SLC25A39: variants seen among roughly 807,000 people sequenced by gnomAD.
The protein encoded by SLC25A39 is mitochondrial glutathione transporter SLC25A39.
A neutral mutation model predicts 46.6 loss-of-function variants in SLC25A39; 44 were observed. The ratio of observed to expected loss-of-function variants is 0.94; its 90% CI spans 0.74 to 1.21. The LOEUF is 1.21. SLC25A39 is among the 50% of genes most tolerant of loss of function. The probability of loss-of-function intolerance (pLI) is 0.00; values close to 1 mark genes in which losing one functional copy is unlikely to be tolerated. For synonymous variants in SLC25A39, 218 were observed against 190.6 expected (o/e 1.14, Z -1.19); for missense variants, 487 against 473.0 (o/e 1.03, Z -0.28).
At position 44,319,632 on chromosome 17, in the gene SLC25A39, T is replaced by G; in HGVS notation, c.*369A>C. 4.3e-6 allele frequency: 1 copy of G among 235,034 alleles called. No individual in the cohort carries two copies. The highest frequency in any genetic ancestry group is 8.5e-6 in the Non-Finnish European group (1 of 116,964). The allele number at this position is 235,034 out of a possible 1,614,324, so 14.6% of individuals were successfully genotyped here. A position where few individuals can be genotyped will look rare whatever the true frequency, so the allele number is the denominator to read the frequency against. ...CAGAGGGACAGGCACCAGGCAGAAG[T>G]TCATCATCTTTAGACTTAAGGAATT... On this transcript the variant is annotated 3_prime_UTR_variant, in exon 12 of 12. Coordinates refer to ENST00000377095, the MANE Select transcript of SLC25A39 (RefSeq NM_001143780.3).
Position 44,320,224 on chromosome 17 carries a change from G to A in SLC25A39, c.936C>T (p.Ala312=), listed in dbSNP as rs146744993. 36 of 1,613,806 alleles carry A rather than the reference G, an allele frequency of 2.2e-5. No homozygotes were observed. The highest frequency in any genetic ancestry group is 5.3e-5 in the African/African-American group (4 of 75,008). ...STWLLLRRIR[A]ESGTKGLFAG... ...CAAAGAGTCCCTTGGTGCCCGACTCGGCCCGGATCCTCCGCAGCAGCAGCC... is the reference window on the plus strand; with the variant it reads ...CAAAGAGTCCCTTGGTGCCCGACTCAGCCCGGATCCTCCGCAGCAGCAGCC... The change falls in exon 11 of 12, where the codon GCC becomes GCT. Residue 312 remains alanine (A), a synonymous_variant. Transcript: ENST00000377095.
Position 44,320,217 on chromosome 17 carries a change from C to A in SLC25A39, c.943G>T (p.Gly315Cys). ...TGACCTGCAAAGAGTCCCTTGGTGCCCGACTCGGCCCGGATCCTCCGCAGC... is the reference window on the plus strand; with the variant it reads ...TGACCTGCAAAGAGTCCCTTGGTGCACGACTCGGCCCGGATCCTCCGCAGC... ...LLLRRIRAESGTKGLFAGFLP... is the reference protein window; with the variant it reads ...LLLRRIRAESCTKGLFAGFLP... The change falls in exon 11 of 12, where the codon GGC (glycine) becomes TGC (cysteine). Residue 315 changes from glycine to cysteine, a missense_variant. Gly to Cys is a radical substitution (Grantham distance 159, BLOSUM62 -3). Transcript: ENST00000377095. The A allele has an allele frequency of 6.2e-7, 1 of 1,613,966 alleles. No individual in the cohort carries two copies. The highest frequency in any genetic ancestry group is 2.2e-5 in the East Asian group (1 of 44,890).
In SLC25A39 at chr17:44,320,287, G is replaced by T; in HGVS notation, c.884-11C>A. The T allele has an allele frequency of 2.5e-6, 4 of 1,613,580 alleles. No individual in the cohort carries two copies. The highest frequency in any genetic ancestry group is 1.3e-5 in the African/African-American group (1 of 75,032). ...CATGCAGGGGGTTCACTGCAAACGC[G>T]AGGCCGGCTCAGTGAGACCCCATTC... is the stretch of plus-strand genomic sequence containing the variant. On this transcript the variant is annotated splice_polypyrimidine_tract_variant and intron_variant, in intron 10 of 11. Coordinates refer to ENST00000377095, the MANE Select transcript of SLC25A39 (RefSeq NM_001143780.3).
At chr17:44,323,010 C>G (rs1231064326) in intron 3 of SLC25A39, among the ~76,000 whole-genome samples, 158 bp from the exon 4 acceptor site, 2 of 152,190 alleles carry the variant, frequency 1.3e-5, no homozygotes, top group South Asian at 4.1e-4. Flanking sequence ...GCAACCTCCA[C>G]CTTCCCGGTT....
chr17:44,321,521 C>G lies in SLC25A39; in HGVS notation c.430G>C (p.Ala144Pro). Residue 144 changes from alanine (A) to proline (P), a missense_variant, in exon 7 of 12, where the codon GCC (alanine) becomes CCC (proline). Ala to Pro is a conservative substitution (Grantham distance 27). Transcript: ENST00000377095. The part of the protein sequence containing the change: ...TVPATAIYFT[A>P]YDQLKAFLCG... ...AGGAAGGCCTTCAGTTGGTCATAGGCAGTGAAGTAGATGGCGGTAGCTGGC... is the reference window on the plus strand; with the variant it reads ...AGGAAGGCCTTCAGTTGGTCATAGGGAGTGAAGTAGATGGCGGTAGCTGGC... The G allele has an allele frequency of 6.2e-7, 1 of 1,614,074 alleles. No individual in the cohort carries two copies. The highest frequency in any genetic ancestry group is 8.5e-7 in the Non-Finnish European group (1 of 1,179,988).
intron 2 of SLC25A39, 44 bp downstream of exon 2, chr17:44,323,434 G>GGGC: frequency 5.1e-6 from 7 of 1,367,774 alleles, no homozygotes; most frequent in East Asian, 2.5e-5. Flanking sequence ...TCTCCGGTCT[G>GGGC]CCCCATCCCC....
intron 2 of SLC25A39, 29 bp from the exon 3 acceptor site, chr17:44,323,372 C>A: frequency 6.2e-7 from 1 of 1,604,734 alleles, no homozygotes. Flanking sequence ...CTGAAGGCTC[C>A]TTTCAGGACC....
chr17:44,320,188 ACACTGACCTG>A lies in SLC25A39; in HGVS notation c.962_964+7del. The A allele has an allele frequency of 6.2e-7, 1 of 1,613,984 alleles. No individual in the cohort carries two copies. The highest frequency in any genetic ancestry group is 2.2e-5 in the East Asian group (1 of 44,876). On this transcript the variant is annotated splice_donor_variant and splice_donor_5th_base_variant and coding_sequence_variant and intron_variant, in exon 11 of 12. Coordinates refer to ENST00000377095, the MANE Select transcript of SLC25A39 (RefSeq NM_001143780.3). LOFTEE classifies it high-confidence loss of function. Reference sequence around the variant, plus strand: ...CCATGCCCCCACCCCCGACACCCACACACTGACCTGCAAAGAGTCCCTTGGTGCCCGACTC... The same window carrying A: ...CCATGCCCCCACCCCCGACACCCACACAAAGAGTCCCTTGGTGCCCGACTC...
At position 44,320,254 on chromosome 17, in the gene SLC25A39, G is replaced by A; in HGVS notation, c.906C>T (p.Ser302=). The A allele has an allele frequency of 2.5e-6, 4 of 1,613,880 alleles. No homozygotes were observed. Among genetic ancestry groups the A allele is most frequent in the Non-Finnish European group, 3.4e-6 (4 of 1,180,026 alleles). ...AVRVNPLHVD[S]TWLLLRRIRA... Reference sequence around the variant, plus strand: ...GGATCCTCCGCAGCAGCAGCCAGGTGGAGTCCACATGCAGGGGGTTCACTG... The same window carrying A: ...GGATCCTCCGCAGCAGCAGCCAGGTAGAGTCCACATGCAGGGGGTTCACTG... Residue 302 remains serine (S), a synonymous_variant, in exon 11 of 12, where the codon TCC becomes TCT. Transcript: ENST00000377095.
At chr17:44,323,834 G>T in intron 1 of SLC25A39, 1 of 463,322 alleles carries the variant, frequency 2.2e-6, no homozygotes. Flanking sequence ...TAGAGACAGG[G>T]TTTCACCATG....
intron 1 of SLC25A39, 141 bp from the exon 2 acceptor site, chr17:44,323,718 C>G (rs1338820441): frequency 1.6e-6 from 1 of 628,532 alleles, no homozygotes; most frequent in Non-Finnish European, 2.8e-6. Context: ...CATCTTGGCT[C>G]ACTGCAACAT....
Position 44,323,312 on chromosome 17 carries a change from C to A in SLC25A39, c.117G>T (p.Leu39=). 6.2e-7 allele frequency: 1 copy of A among 1,613,234 alleles called. No homozygotes were observed. Among genetic ancestry groups the A allele is most frequent in the Non-Finnish European group, 8.5e-7 (1 of 1,179,698 alleles). ...MTPLDVVKVR[L]QSQRPSMASE... is the part of the protein sequence containing the mutation. ...TGGCCATGGAGGGCCGCTGAGACTG[C>A]AGGCGAACCTTCACCACGTCCAGGG... The change falls in exon 3 of 12, where the codon CTG becomes CTT. Residue 39 remains leucine (L), a synonymous_variant. Transcript: ENST00000377095.
rs544906034 is a variant in SLC25A39, at chr17:44,322,411, C to T, written c.324+8G>A. On this transcript the variant is annotated splice_region_variant and intron_variant, in intron 5 of 11. Transcript: ENST00000377095. ...CGACGAATCCCTACGGACCCAGCTG[C>T]TCCTCACCATGGTGCCAGTGAAGCG... The T allele has an allele frequency of 8.1e-6, 13 of 1,614,062 alleles. No individual in the cohort carries two copies. The East Asian group carries it at 2.7e-4, about 33-fold the overall frequency.
chr17:44,320,235 T>C lies in SLC25A39; in HGVS notation c.925A>G (p.Arg309Gly). 1.2e-6 allele frequency: 2 copies of C among 1,613,814 alleles called. No homozygotes were observed. The highest frequency in any genetic ancestry group is 2.7e-5 in the African/African-American group (2 of 75,006). Reference sequence around the variant, plus strand: ...TTGGTGCCCGACTCGGCCCGGATCCTCCGCAGCAGCAGCCAGGTGGAGTCC... The same window carrying C: ...TTGGTGCCCGACTCGGCCCGGATCCCCCGCAGCAGCAGCCAGGTGGAGTCC... Reference protein sequence around the residue: ...HVDSTWLLLRRIRAESGTKGL... With the variant: ...HVDSTWLLLRGIRAESGTKGL... The change falls in exon 11 of 12, where the codon AGG (arginine) becomes GGG (glycine). Residue 309 changes from arginine to glycine, a missense_variant. By Grantham distance (125) the Arg-to-Gly change is moderately radical (BLOSUM62 -2). Transcript: ENST00000377095.
At position 44,320,292 on chromosome 17, in the gene SLC25A39, C is replaced by G. The variant is rs139114659; in HGVS notation, c.884-16G>C. ...AGGGGGTTCACTGCAAACGCGAGGC[C>G]GGCTCAGTGAGACCCCATTCAGGAC... On this transcript the variant is annotated splice_polypyrimidine_tract_variant and intron_variant, in intron 10 of 11. Transcript: ENST00000377095. The G allele has an allele frequency of 1.9e-6, 3 of 1,613,448 alleles. No homozygotes were observed. In the Admixed American group the frequency reaches 5.0e-5, roughly 27 times the overall value.
chr17:44,322,212 G>A (rs2048066164), intron 5 of SLC25A39, among the ~76,000 whole-genome samples: 5 of 152,224 alleles, frequency 3.3e-5, no homozygotes, highest in Admixed American at 6.5e-5. Context: ...TCACACCACC[G>A]CACTCCAGCC....
intron 4 of SLC25A39, 102 bp downstream of exon 4, chr17:44,322,706 T>C: frequency 1.9e-6 from 3 of 1,577,746 alleles, no homozygotes; most frequent in African/African-American, 1.3e-5. Flanking sequence ...TGGGAGTATA[T>C]GCTAGTCCAT....
intron 5 of SLC25A39, among the ~76,000 whole-genome samples, chr17:44,322,145 A>G (rs1457291356): frequency 6.6e-6 from 1 of 152,168 alleles, no homozygotes; most frequent in East Asian, 1.9e-4. Context: ...GCTACTTCGG[A>G]GGCTGAGACA....
At position 44,319,857 on chromosome 17, in the gene SLC25A39, G is replaced by T; in HGVS notation, c.*144C>A. On this transcript the variant is annotated 3_prime_UTR_variant, in exon 12 of 12. Transcript: ENST00000377095. The stretch of plus-strand genomic sequence containing the variant: ...GAGGAAGTGCTGGGCCGCCCAGAGG[G>T]ACAGCCCTGCCCTGGAGCTTGTCGC... 1.4e-6 allele frequency: 1 copy of T among 712,832 alleles called. No individual in the cohort carries two copies. Among genetic ancestry groups the T allele is most frequent in the Non-Finnish European group, 2.3e-6 (1 of 429,802 alleles). 44.2% of individuals were successfully genotyped at this position (712,832 alleles called of 1,614,324 possible).
Sources: allele counts gnomAD v4.1 joint callset (sites outside exome capture counted in the v4.1 genomes callset), GRCh38; gene constraint gnomAD v4.1.1; transcripts MANE v1.5; gene names NCBI Gene and HGNC (gene_info 2026-07-23, HGNC 2026-07-21).